SLC35F3: variants seen among roughly 807,000 people sequenced by gnomAD.
SLC35F3 encodes solute carrier family 35 member F3.
Under a neutral mutation model 49.9 loss-of-function variants are expected in SLC35F3, and 25 were observed. The ratio of observed to expected loss-of-function variants is 0.50; its 90% CI spans 0.37 to 0.70. SLC35F3 has a LOEUF of 0.70. SLC35F3 is among the 30% of genes least tolerant of loss of function. SLC35F3 has a pLI of 0.00. For missense variants in SLC35F3, 525 were observed against 639.8 expected, an observed-to-expected ratio of 0.82 and a Z score of 1.94; for synonymous variants, 275 against 265.4, an observed-to-expected ratio of 1.04 and a Z score of -0.35.
chr1:234,007,902 G>T (rs1307144678), intron 2 of SLC35F3, among the ~76,000 whole-genome samples: 1 of 152,140 alleles, frequency 6.6e-6, no homozygotes, highest in Admixed American at 6.5e-5. Context: ...TTTACATGTT[G>T]CTTTATATGG....
chr1:233,905,242 C>A, intron 1 of SLC35F3, 112 bp downstream of exon 1: 1 of 1,187,042 alleles, frequency 8.4e-7, no homozygotes, highest in Non-Finnish European at 1.2e-6. Flanking sequence ...GGAAGGGCGG[C>A]GCGCGCGGTG....
At chr1:234,170,293 G>C (rs1019125858) in intron 2 of SLC35F3, among the ~76,000 whole-genome samples, 1 of 152,162 alleles carries the variant, frequency 6.6e-6, no homozygotes, top group African/African-American at 2.4e-5. Flanking sequence ...GCAGCTCGTA[G>C]GGGTTAAACC....
chr1:234,086,671 T>G (rs528925508), intron 2 of SLC35F3, among the ~76,000 whole-genome samples: 11 of 152,180 alleles, frequency 7.2e-5, no homozygotes, highest in Non-Finnish European at 1.2e-4. Flanking sequence ...TGTAGATAAT[T>G]AAAGATTTAT....
At chr1:234,007,253 A>G (rs144049846) in intron 2 of SLC35F3, among the ~76,000 whole-genome samples, 1 of 152,292 alleles carries the variant, frequency 6.6e-6, no homozygotes, top group Non-Finnish European at 1.5e-5. Context: ...TTGAGCAGGG[A>G]AAGGTGATTT....
chr1:234,069,396 T>C (rs1435076888), intron 2 of SLC35F3, among the ~76,000 whole-genome samples: 1 of 151,560 alleles, frequency 6.6e-6, no homozygotes, highest in Non-Finnish European at 1.5e-5. Flanking sequence ...TAGCTGGGAC[T>C]ACAGGCATGT....
chr1:234,167,005 A>G (rs1246403901), intron 2 of SLC35F3, among the ~76,000 whole-genome samples: 1 of 152,204 alleles, frequency 6.6e-6, no homozygotes. Flanking sequence ...AGGGTGTGCA[A>G]GTAGCCATTT....
At chr1:234,132,943 T>A (rs1665756679) in intron 2 of SLC35F3, among the ~76,000 whole-genome samples, 1 of 152,202 alleles carries the variant, frequency 6.6e-6, no homozygotes, top group South Asian at 2.1e-4. Flanking sequence ...GTTCAAAGTG[T>A]TTAATCATTT....
intron 3 of SLC35F3, among the ~76,000 whole-genome samples, chr1:234,233,622 T>C (rs1406250449): frequency 3.3e-5 from 5 of 152,232 alleles, no homozygotes; most frequent in Admixed American, 6.5e-5. Flanking sequence ...TGGAAGGTCA[T>C]TGAAGATTAG....
chr1:234,296,174 T>C (rs985609705), intron 3 of SLC35F3, among the ~76,000 whole-genome samples: 1 of 152,182 alleles, frequency 6.6e-6, no homozygotes, highest in African/African-American at 2.4e-5. Context: ...AAGCAGAAGG[T>C]TGACACTTTC....
chr1:234,110,988 A>G (rs1665397508), intron 2 of SLC35F3, among the ~76,000 whole-genome samples: 1 of 152,184 alleles, frequency 6.6e-6, no homozygotes, highest in Admixed American at 6.5e-5. Flanking sequence ...AAAATCTAGT[A>G]TAAGCTTTAT....
At chr1:234,257,130 G>T (rs1380201331) in intron 3 of SLC35F3, among the ~76,000 whole-genome samples, 2 of 152,132 alleles carry the variant, frequency 1.3e-5, no homozygotes, top group African/African-American at 4.8e-5. Flanking sequence ...GTAGGTTGGG[G>T]ATATAATTTT....
intron 2 of SLC35F3, among the ~76,000 whole-genome samples, chr1:234,073,082 T>C (rs1664741763): frequency 6.6e-6 from 1 of 152,204 alleles, no homozygotes; most frequent in South Asian, 2.1e-4. Context: ...CGTGTGGATG[T>C]GTCTGTACCT....
intron 2 of SLC35F3, among the ~76,000 whole-genome samples, chr1:234,054,946 G>T (rs1403010004): frequency 1.3e-5 from 2 of 152,162 alleles, no homozygotes; most frequent in African/African-American, 4.8e-5. Flanking sequence ...ACCAGCGGAG[G>T]CTGTAGAACA....
At chr1:234,207,971 G>A (rs1247835324) in intron 2 of SLC35F3, among the ~76,000 whole-genome samples, 1 of 152,136 alleles carries the variant, frequency 6.6e-6, no homozygotes, top group Non-Finnish European at 1.5e-5. Context: ...ATCACATCAT[G>A]GCACTGCAGC....
chr1:233,963,781 T>C (rs1662848441), intron 2 of SLC35F3, among the ~76,000 whole-genome samples: 1 of 152,194 alleles, frequency 6.6e-6, no homozygotes, highest in African/African-American at 2.4e-5. Flanking sequence ...TAGAGCAGTG[T>C]CAGAGCATCT....
intron 3 of SLC35F3, among the ~76,000 whole-genome samples, chr1:234,239,841 T>C (rs1489387971): frequency 6.6e-6 from 1 of 152,166 alleles, no homozygotes; most frequent in Non-Finnish European, 1.5e-5. Flanking sequence ...CATAGGTAAG[T>C]CAACTGAAAG....
intron 2 of SLC35F3, among the ~76,000 whole-genome samples, chr1:234,188,001 G>A (rs112275567): frequency 0.05 from 7,567 of 152,218 alleles, 616 homozygotes; most frequent in African/African-American, 0.17. Context: ...ACTTTGGGAG[G>A]CCGAGGCGGG....
At chr1:234,196,318 A>G (rs906925840) in intron 2 of SLC35F3, among the ~76,000 whole-genome samples, 85 of 152,260 alleles carry the variant, frequency 5.6e-4, no homozygotes, top group Non-Finnish European at 1.1e-3. Flanking sequence ...ATATGGCTGC[A>G]GAACTGCCTC....
At chr1:234,163,809 A>G (rs898869768) in intron 2 of SLC35F3, among the ~76,000 whole-genome samples, 32 of 152,112 alleles carry the variant, frequency 2.1e-4, no homozygotes, top group African/African-American at 7.2e-4. Flanking sequence ...TCTCTTCCAG[A>G]TCTGCCATGC....
Sources: allele counts gnomAD v4.1 joint callset (sites outside exome capture counted in the v4.1 genomes callset), GRCh38; gene constraint gnomAD v4.1.1; transcripts MANE v1.5; gene names NCBI Gene and HGNC (gene_info 2026-07-23, HGNC 2026-07-21).